GADL1: variants seen among roughly 807,000 people sequenced by gnomAD.
GADL1 encodes acidic amino acid decarboxylase GADL1.
A neutral mutation model predicts 69.5 loss-of-function variants in GADL1; 71 were observed. The ratio of observed to expected loss-of-function variants is 1.02; its 90% CI spans 0.84 to 1.25. The LOEUF (loss-of-function observed/expected upper bound fraction) is 1.25. GADL1 is among the 50% of genes most tolerant of loss of function. The probability of loss-of-function intolerance (pLI) is 0.00; values close to 1 mark genes in which losing one functional copy is unlikely to be tolerated. For synonymous variants in GADL1, 254 were observed against 214.4 expected, an observed-to-expected ratio of 1.18 and a Z score of -1.62; for missense variants, 737 against 631.8, an observed-to-expected ratio of 1.17 and a Z score of -1.79.
chr3:30,797,337 T>C lies in GADL1; in HGVS notation c.1250+3552A>G, dbSNP rs543744553. On this transcript the variant is annotated intron_variant, in intron 12 of 14. Transcript: ENST00000282538. Reference sequence around the variant, plus strand: ...AGCTTGTTGCTCAGAATACCCACACTACTCCCAGTATAGAAAGAAGAAATT... The same window carrying C: ...AGCTTGTTGCTCAGAATACCCACACCACTCCCAGTATAGAAAGAAGAAATT... Among the ~76,000 whole-genome samples the C allele has an allele frequency of 2.0e-5, 3 of 152,328 alleles. 1 individual carries two copies. The South Asian group carries it at 6.2e-4, about 32-fold the overall frequency.
intron 1 of GADL1, among the ~76,000 whole-genome samples, chr3:30,882,972 A>G (rs1230868754): frequency 6.6e-6 from 1 of 151,966 alleles, no homozygotes; most frequent in Non-Finnish European, 1.5e-5. Context: ...TCATCTTTGA[A>G]GAAATGTCTT....
chr3:30,824,181 A>AAAT (rs1697642320), intron 11 of GADL1, among the ~76,000 whole-genome samples: 4 of 151,832 alleles, frequency 2.6e-5, no homozygotes, highest in African/African-American at 9.7e-5. Flanking sequence ...AAAGCTTGAA[A>AAAT]ATTTTAAAAG....
intron 13 of GADL1, among the ~76,000 whole-genome samples, chr3:30,779,500 C>T (rs898573592): frequency 1.3e-5 from 2 of 151,936 alleles, no homozygotes; most frequent in Non-Finnish European, 2.9e-5. Flanking sequence ...TCACAAACAT[C>T]TATTGAGACT....
chr3:30,822,873 G>C (rs745405439), intron 11 of GADL1, among the ~76,000 whole-genome samples: 2 of 151,948 alleles, frequency 1.3e-5, no homozygotes, highest in Non-Finnish European at 2.9e-5. Context: ...ACTTAGGGTA[G>C]GGAGCATGTC....
chr3:30,831,467 G>A (rs751309165), intron 11 of GADL1, among the ~76,000 whole-genome samples: 17 of 151,922 alleles, frequency 1.1e-4, no homozygotes, highest in Non-Finnish European at 2.5e-4. Context: ...ACCCAATGGA[G>A]ATGGTTTCAG....
rs571330230 is a variant in GADL1 at position 30,787,168 on chromosome 3, G to A, written c.1251-762C>T. Among the ~76,000 whole-genome samples, 9 of 152,072 alleles carry A rather than the reference G, an allele frequency of 5.9e-5. No homozygotes were observed. In the East Asian group the frequency reaches 7.8e-4, roughly 13 times the overall value. The stretch of plus-strand genomic sequence containing the variant: ...TACCTAGGTAACCTGCACATCCTGC[G>A]CATGTACCCCAAAACTTAAAAAATA... On this transcript the variant is annotated intron_variant, in intron 12 of 14. Coordinates refer to ENST00000282538, the MANE Select transcript of GADL1 (RefSeq NM_207359.3).
Position 30,876,558 on chromosome 3 carries a change from A to T in GADL1, c.38-14793T>A, listed in dbSNP as rs116315981. ...TGGGGAGCCAAGAAAACAAAAGTTC[A>T]TCAATTGAAAAAATAACAGAAACGG... On this transcript the variant is annotated intron_variant, in intron 1 of 14. Transcript: ENST00000282538. Among the ~76,000 whole-genome samples the T allele has an allele frequency of 8.9e-3, 1,349 of 152,072 alleles. 21 individuals carry two copies. The highest frequency in any genetic ancestry group is 0.03 in the African/African-American group (1,265 of 41,530).
chr3:30,851,265 T>C (rs1698142638), intron 4 of GADL1, among the ~76,000 whole-genome samples: 1 of 152,114 alleles, frequency 6.6e-6, no homozygotes, highest in African/African-American at 2.4e-5. Context: ...TTTCACTCTG[T>C]GGATGCTTGG....
At chr3:30,745,983 CCTT>C (rs1204052134) in intron 14 of GADL1, among the ~76,000 whole-genome samples, 9 of 144,504 alleles carry the variant, frequency 6.2e-5, no homozygotes, top group African/African-American at 1.0e-4. Context: ...TCCTCCTCCT[CCTT>C]CTTCTTCTTC....
intron 14 of GADL1, among the ~76,000 whole-genome samples, chr3:30,770,354 C>A (rs768338331): frequency 6.6e-6 from 1 of 152,206 alleles, no homozygotes; most frequent in African/African-American, 2.4e-5. Context: ...TTCACGTAGA[C>A]CTTACACGAA....
chr3:30,730,666 C>T (rs1695441860), intron 14 of GADL1, among the ~76,000 whole-genome samples: 1 of 152,110 alleles, frequency 6.6e-6, no homozygotes, highest in South Asian at 2.1e-4. Flanking sequence ...CATAAATGTA[C>T]ACTGATATAC....
chr3:30,786,083 G>C (rs1374813192), intron 13 of GADL1, among the ~76,000 whole-genome samples: 1 of 152,166 alleles, frequency 6.6e-6, no homozygotes, highest in African/African-American at 2.4e-5. Flanking sequence ...TATATACCAA[G>C]ATAGAGGTCA....
At chr3:30,792,107 T>G (rs1360957643) in intron 12 of GADL1, among the ~76,000 whole-genome samples, 1 of 152,132 alleles carries the variant, frequency 6.6e-6, no homozygotes, top group Admixed American at 6.5e-5. Flanking sequence ...TAGAGGTGAT[T>G]TTGAGGCAAG....
intron 14 of GADL1, among the ~76,000 whole-genome samples, chr3:30,762,000 C>T (rs940345076): frequency 2.6e-5 from 4 of 152,074 alleles, no homozygotes; most frequent in African/African-American, 4.8e-5. Flanking sequence ...ACAAAAGAGC[C>T]GAGACAGTGA....
intron 14 of GADL1, among the ~76,000 whole-genome samples, chr3:30,743,209 C>G (rs1038646050): frequency 6.6e-6 from 1 of 152,032 alleles, no homozygotes; most frequent in African/African-American, 2.4e-5. Context: ...GGCAGAATAG[C>G]CAGAAATATA....
rs72276746 is a variant in GADL1, at chr3:30,832,339, T to TAA, written c.1050+1512_1050+1513dup. Among the ~76,000 whole-genome samples the TAA allele has an allele frequency of 3.9e-3, 538 of 139,304 alleles. 5 individuals carry two copies. Among genetic ancestry groups the TAA allele is most frequent in the African/African-American group, 0.013 (511 of 38,660 alleles). The allele number at this position is 139,304 out of a possible 152,430, so 91.4% of individuals were successfully genotyped here. On this transcript the variant is annotated intron_variant, in intron 11 of 14. Transcript: ENST00000282538. Reference sequence around the variant, plus strand: ...CACTAAGATTCAGGAATGAATTCTTTAAAAAAAAAAAAAACCCTGTTAAGG... The same window carrying TAA: ...CACTAAGATTCAGGAATGAATTCTTTAAAAAAAAAAAAAAAACCCTGTTAAGG...
At chr3:30,788,839 T>C (rs1384435123) in intron 12 of GADL1, among the ~76,000 whole-genome samples, 1 of 152,140 alleles carries the variant, frequency 6.6e-6, no homozygotes, top group Non-Finnish European at 1.5e-5. Flanking sequence ...CCATTCAAGT[T>C]TTATCATGAG....
chr3:30,829,186 G>GT (rs1202109862), intron 11 of GADL1, among the ~76,000 whole-genome samples: 7 of 151,452 alleles, frequency 4.6e-5, no homozygotes, highest in African/African-American at 1.2e-4. Context: ...ATAATCACAG[G>GT]TTTTTTTTAA....
At chr3:30,834,690 T>G (rs1205033311) in intron 9 of GADL1, among the ~76,000 whole-genome samples, 1 of 152,080 alleles carries the variant, frequency 6.6e-6, no homozygotes, top group East Asian at 1.9e-4. Context: ...GAATGAGGCA[T>G]ATTATTGACA....
Sources: gnomAD v4.1 joint callset for allele counts (sites outside exome capture counted in the v4.1 genomes callset) on GRCh38, gnomAD v4.1.1 for gene constraint, MANE v1.5 for transcripts, NCBI Gene and HGNC (gene_info 2026-07-23, HGNC 2026-07-21) for gene names.